The following UNC5D variants were observed in gnomAD, a reference collection of about 807,000 sequenced individuals.
UNC5D encodes the protein unc-5 netrin receptor D, also known as netrin receptor UNC5D.
Under a neutral mutation model 105.4 loss-of-function variants are expected in UNC5D, and 39 were observed. The observed-to-expected ratio is 0.37, with a 90% CI of 0.29 to 0.48. The LOEUF (loss-of-function observed/expected upper bound fraction) is 0.48, where lower values mean the gene tolerates loss of function less well. Ranked by LOEUF, UNC5D falls within the 20% of genes least tolerant of loss-of-function variation. The pLI is 0.98. For missense variants in UNC5D, 991 were observed against 1,202.4 expected, an observed-to-expected ratio of 0.82 and a Z score of 2.60; for synonymous variants, 452 against 450.4, an observed-to-expected ratio of 1.00 and a Z score of -0.04.
At chr8:35,455,020 T>G (rs1003724633) in intron 1 of UNC5D, among the ~76,000 whole-genome samples, 16 of 152,168 alleles carry the variant, frequency 1.1e-4, no homozygotes, top group Admixed American at 1.0e-3. Context: ...CTTACTTCTT[T>G]TACTTATGTA....
chr8:35,235,948 G>A, intron 1 of UNC5D, 61 bp downstream of exon 1: 1 of 1,205,540 alleles, frequency 8.3e-7, no homozygotes. Context: ...GCCTGACGGA[G>A]CGGGACCTGC....
At chr8:35,408,293 C>T (rs1181424346) in intron 1 of UNC5D, among the ~76,000 whole-genome samples, 1 of 151,694 alleles carries the variant, frequency 6.6e-6, no homozygotes, top group Non-Finnish European at 1.5e-5. Flanking sequence ...TAATTATGCT[C>T]CTGAAAGTTC....
Position 35,722,360 on chromosome 8 carries a change from G to C in UNC5D, c.1268G>C (p.Gly423Ala), listed in dbSNP as rs377179003. 3 of 1,614,062 alleles carry C rather than the reference G, an allele frequency of 1.9e-6. No homozygotes were observed. The highest frequency in any genetic ancestry group is 2.5e-6 in the Non-Finnish European group (3 of 1,180,002). Residue 423 changes from glycine (G) to alanine (A), a missense_variant, in exon 9 of 17, where the codon GGC becomes GCC. By Grantham distance (60) the Gly-to-Ala change is moderately conservative. Coordinates refer to ENST00000404895, the MANE Select transcript of UNC5D (RefSeq NM_080872.4). Reference sequence around the variant, plus strand: ...ATTGACTCTTCTGCATTGACAGGTGGCTTCCAGACCTTCAACTTCAAAACA... The same window carrying C: ...ATTGACTCTTCTGCATTGACAGGTGCCTTCCAGACCTTCAACTTCAAAACA... ...DVIDSSALTG[G>A]FQTFNFKTVR... is the part of the protein sequence containing the mutation.
intron 1 of UNC5D, among the ~76,000 whole-genome samples, chr8:35,389,709 A>G (rs879028234): frequency 1.9e-4 from 29 of 149,394 alleles, no homozygotes; most frequent in African/African-American, 6.9e-4. Context: ...TCCTTAATGG[A>G]ATTCTGGAAG....
chr8:35,431,554 C>T (rs1361947365), intron 1 of UNC5D, among the ~76,000 whole-genome samples: 2 of 152,026 alleles, frequency 1.3e-5, no homozygotes, highest in Admixed American at 6.6e-5. Flanking sequence ...GGTTATATTC[C>T]ATCTGGCTTT....
intron 1 of UNC5D, among the ~76,000 whole-genome samples, chr8:35,389,485 T>C (rs984832921): frequency 3.3e-5 from 5 of 152,252 alleles, no homozygotes; most frequent in Admixed American, 1.3e-4. Flanking sequence ...TGGAAAACAA[T>C]ACCATAACAT....
In UNC5D at chr8:35,250,617, C is replaced by T. The variant is rs182425535; in HGVS notation, c.103+14730C>T. ...TCAAGCAAATCTCCTGCCTCAGCCT[C>T]CCGAGTAGCTGGGATTACAGGTGCA... On this transcript the variant is annotated intron_variant, in intron 1 of 16. Transcript: ENST00000404895. Among the ~76,000 whole-genome samples, 512 of 152,280 alleles carry T rather than the reference C, an allele frequency of 3.4e-3. 4 individuals carry two copies. Among genetic ancestry groups the T allele is most frequent in the African/African-American group, 0.012 (498 of 41,548 alleles).
chr8:35,652,179 T>C (rs574133073), intron 4 of UNC5D, among the ~76,000 whole-genome samples: 1 of 152,294 alleles, frequency 6.6e-6, no homozygotes, highest in South Asian at 2.1e-4. Context: ...TTCCGACTTT[T>C]TGAGAGTGAG....
At chr8:35,672,935 C>G (rs764428161) in intron 4 of UNC5D, among the ~76,000 whole-genome samples, 1 of 152,146 alleles carries the variant, frequency 6.6e-6, no homozygotes, top group Non-Finnish European at 1.5e-5. Flanking sequence ...AATGTCAGAA[C>G]GTAAAATTCT....
chr8:35,664,671 A>T (rs1006592408), intron 4 of UNC5D, among the ~76,000 whole-genome samples: 2 of 151,912 alleles, frequency 1.3e-5, no homozygotes, highest in Non-Finnish European at 2.9e-5. Context: ...GAGCCACCTC[A>T]CCTGGCCTAA....
intron 4 of UNC5D, among the ~76,000 whole-genome samples, chr8:35,627,022 A>C (rs1036074937): frequency 6.6e-6 from 1 of 152,216 alleles, no homozygotes; most frequent in African/African-American, 2.4e-5. Context: ...CTAACTCTTT[A>C]TTCATAGAAA....
At chr8:35,755,755 G>C (rs1221001899) in intron 13 of UNC5D, among the ~76,000 whole-genome samples, 1 of 152,158 alleles carries the variant, frequency 6.6e-6, no homozygotes, top group Admixed American at 6.5e-5. Flanking sequence ...AAGCTGGCCA[G>C]ACCCTGTTTC....
At chr8:35,615,095 C>G (rs1820953240) in intron 4 of UNC5D, among the ~76,000 whole-genome samples, 1 of 133,622 alleles carries the variant, frequency 7.5e-6, no homozygotes, top group South Asian at 2.5e-4. Flanking sequence ...ATAAAATTAG[C>G]TGGCATGGTG....
chr8:35,519,335 A>G (rs1368334647), intron 1 of UNC5D, among the ~76,000 whole-genome samples: 1 of 152,182 alleles, frequency 6.6e-6, no homozygotes, highest in Non-Finnish European at 1.5e-5. Flanking sequence ...ACATATGTAT[A>G]TATCTATCCC....
chr8:35,719,289 A>G (rs1828438263), intron 8 of UNC5D, among the ~76,000 whole-genome samples: 1 of 152,188 alleles, frequency 6.6e-6, no homozygotes, highest in African/African-American at 2.4e-5. Flanking sequence ...ACTTTTGTAA[A>G]CACACAGAAA....
chr8:35,693,797 G>C (rs939348176), intron 7 of UNC5D, among the ~76,000 whole-genome samples: 2 of 151,980 alleles, frequency 1.3e-5, no homozygotes, highest in Non-Finnish European at 2.9e-5. Flanking sequence ...GGTGAAATTA[G>C]ACAGGAAGTC....
chr8:35,447,300 T>C (rs1165302209), intron 1 of UNC5D, among the ~76,000 whole-genome samples: 1 of 152,078 alleles, frequency 6.6e-6, no homozygotes, highest in Non-Finnish European at 1.5e-5. Context: ...TTAACTTTAT[T>C]TATAAGGCAT....
intron 4 of UNC5D, among the ~76,000 whole-genome samples, chr8:35,673,372 T>A (rs1264864796): frequency 6.6e-6 from 1 of 152,170 alleles, no homozygotes; most frequent in Non-Finnish European, 1.5e-5. Context: ...AATGGTTCAG[T>A]CCCTTTGGAG....
At chr8:35,507,211 A>G (rs1208915203) in intron 1 of UNC5D, among the ~76,000 whole-genome samples, 1 of 149,732 alleles carries the variant, frequency 6.7e-6, no homozygotes, top group Non-Finnish European at 1.5e-5. Flanking sequence ...GCCCGCCACT[A>G]CGCCCGGCTA....
Sources: allele counts gnomAD v4.1 joint callset (sites outside exome capture counted in the v4.1 genomes callset), GRCh38; gene constraint gnomAD v4.1.1; transcripts MANE v1.5; gene names NCBI Gene and HGNC (gene_info 2026-07-23, HGNC 2026-07-21).